NECTIN2: variants seen among roughly 807,000 people sequenced by gnomAD.
The protein encoded by NECTIN2 is nectin-2.
Under a neutral mutation model 56.9 loss-of-function variants are expected in NECTIN2, and 23 were observed. That is an observed-to-expected ratio of 0.40 (90% CI 0.29 to 0.57). The LOEUF is 0.57. Among genes scored for constraint, NECTIN2 ranks in the 20% least tolerant of loss-of-function variants. The probability of loss-of-function intolerance (pLI) is 0.38; values close to 1 mark genes in which losing one functional copy is unlikely to be tolerated. For missense variants in NECTIN2, 587 were observed against 718.3 expected, an observed-to-expected ratio of 0.82 and a Z score of 2.09; for synonymous variants, 302 against 313.8, an observed-to-expected ratio of 0.96 and a Z score of 0.40.
chr19:44,862,466 T>TAA (rs60608124), intron 1 of NECTIN2, among the ~76,000 whole-genome samples: 1 of 97,124 alleles, frequency 1.0e-5, no homozygotes, highest in Non-Finnish European at 2.4e-5. Flanking sequence ...CCTGGAACAA[T>TAA]AAAAAAAAAA....
Position 44,882,204 on chromosome 19 carries a change from C to G in NECTIN2, c.1043-7C>G. 6.9e-7 allele frequency: 1 copy of G among 1,452,254 alleles called. No individual in the cohort carries two copies. Among genetic ancestry groups the G allele is most frequent in the South Asian group, 1.4e-5 (1 of 69,666 alleles). 90.0% of individuals were successfully genotyped at this position (1,452,254 alleles called of 1,614,324 possible). On this transcript the variant is annotated splice_region_variant and splice_polypyrimidine_tract_variant and intron_variant, in intron 5 of 8. Transcript: ENST00000252483. ...GAGACCCCCTCACGCTGTCCCTCTC[C>G]TTGCAGAGACCCCCAACACAGCAGG...
chr19:44,864,768 C>T (rs538345541), intron 1 of NECTIN2, among the ~76,000 whole-genome samples: 15 of 152,028 alleles, frequency 9.9e-5, no homozygotes, highest in Non-Finnish European at 2.1e-4. Context: ...GCGGAGCTTG[C>T]AGTGAGCCGA....
At chr19:44,864,602 C>T (rs528533043) in intron 1 of NECTIN2, among the ~76,000 whole-genome samples, 2 of 152,200 alleles carry the variant, frequency 1.3e-5, no homozygotes, top group African/African-American at 2.4e-5. Context: ...AAGCGGATCA[C>T]GAGGTCAGGA....
intron 1 of NECTIN2, among the ~76,000 whole-genome samples, chr19:44,855,372 C>A (rs1386831829): frequency 6.6e-6 from 1 of 151,920 alleles, no homozygotes; most frequent in Non-Finnish European, 1.5e-5. Flanking sequence ...TTGCAGTGAG[C>A]CGAGATAGTG....
intron 6 of NECTIN2, among the ~76,000 whole-genome samples, chr19:44,882,879 T>C (rs1221360706): frequency 2.0e-5 from 3 of 151,362 alleles, no homozygotes; most frequent in East Asian, 2.0e-4. Context: ...CCTCCCAGGT[T>C]AAAGCAATTC....
chr19:44,856,153 T>G (rs993553420), intron 1 of NECTIN2, among the ~76,000 whole-genome samples: 1 of 152,128 alleles, frequency 6.6e-6, no homozygotes, highest in Non-Finnish European at 1.5e-5. Flanking sequence ...ATACAAAAAT[T>G]AGCTGAGTGT....
intron 3 of NECTIN2, among the ~76,000 whole-genome samples, chr19:44,873,031 A>T (rs190565439): frequency 2.0e-5 from 3 of 151,630 alleles, no homozygotes; most frequent in African/African-American, 7.3e-5. Context: ...ACACCTCGTA[A>T]TGTTACCCAG....
intron 5 of NECTIN2, among the ~76,000 whole-genome samples, chr19:44,879,980 G>A (rs1392987060): frequency 2.6e-5 from 4 of 152,130 alleles, no homozygotes; most frequent in South Asian, 4.1e-4. Flanking sequence ...GGACCGAGGG[G>A]CAGTCTCTCT....
At chr19:44,850,103 C>T (rs566068818) in intron 1 of NECTIN2, among the ~76,000 whole-genome samples, 19 of 152,164 alleles carry the variant, frequency 1.2e-4, no homozygotes, top group Non-Finnish European at 2.2e-4. Flanking sequence ...GGGAGGCTGA[C>T]GCAGGAGAAT....
In NECTIN2 at chr19:44,865,576, G is replaced by A; in HGVS notation, c.394G>A (p.Val132Met). The A allele has an allele frequency of 1.3e-6, 2 of 1,550,332 alleles. No homozygotes were observed. The highest frequency in any genetic ancestry group is 1.7e-4 in the Middle Eastern group (1 of 5,990). ...CACGCTGGCCCTCCACGGGCTCACG[G>A]TGGAGGACGAGGGCAACTACACTTG... Reference protein sequence around the residue: ...DATLALHGLTVEDEGNYTCEF... With the variant: ...DATLALHGLTMEDEGNYTCEF... The change falls in exon 2 of 9, where the codon GTG becomes ATG. Residue 132 changes from valine to methionine, a missense_variant. By Grantham distance (21) the Val-to-Met change is conservative (BLOSUM62 1). Coordinates refer to ENST00000252483, the MANE Select transcript of NECTIN2 (RefSeq NM_001042724.2). This position sits in a 1 kb window ranked among gnomAD's most constrained non-coding sequence, Gnocchi z 5.2.
intron 1 of NECTIN2, among the ~76,000 whole-genome samples, chr19:44,855,373 C>T (rs1184033613): frequency 2.6e-5 from 4 of 151,594 alleles, no homozygotes; most frequent in Non-Finnish European, 4.4e-5. Context: ...TGCAGTGAGC[C>T]GAGATAGTGG....
rs1969203976 is a variant in NECTIN2, at chr19:44,873,774, G to T, written c.776-142G>T. The T allele has an allele frequency of 4.5e-6, 3 of 666,886 alleles. No homozygotes were observed. In the Admixed American group the frequency reaches 6.5e-5, roughly 14 times the overall value. 41.3% of individuals were successfully genotyped at this position (666,886 alleles called of 1,614,324 possible). A position where few individuals can be genotyped will look rare whatever the true frequency, so the allele number is the denominator to read the frequency against. ...ACTGACATCAGCACACAACAGCCTGGACTGATTTGCCCCAGACAGTTTTGA... is the reference window on the plus strand; with the variant it reads ...ACTGACATCAGCACACAACAGCCTGTACTGATTTGCCCCAGACAGTTTTGA... On this transcript the variant is annotated intron_variant, in intron 3 of 8. Transcript: ENST00000252483.
intron 5 of NECTIN2, among the ~76,000 whole-genome samples, chr19:44,880,118 C>T (rs955311753): frequency 1.3e-5 from 2 of 152,302 alleles, no homozygotes; most frequent in Non-Finnish European, 2.9e-5. Flanking sequence ...CCGATGCATG[C>T]GTGACCCCCA....
chr19:44,876,052 T>C (rs3852859), intron 5 of NECTIN2, among the ~76,000 whole-genome samples: 28,235 of 151,992 alleles, frequency 0.19, 2,854 homozygotes, highest in Middle Eastern at 0.35. Context: ...ATCAAAGACA[T>C]CCTGGGAGGA....
intron 1 of NECTIN2, among the ~76,000 whole-genome samples, chr19:44,863,205 C>T (rs2077197625): frequency 6.6e-6 from 1 of 151,912 alleles, no homozygotes; most frequent in Non-Finnish European, 1.5e-5. Flanking sequence ...TGCATTGGTG[C>T]ATGCCTATAA....
intron 7 of NECTIN2, 43 bp downstream of exon 7, chr19:44,886,043 CCCA>C: frequency 6.3e-7 from 1 of 1,575,106 alleles, no homozygotes; most frequent in Non-Finnish European, 8.7e-7. Context: ...CACCTCCACA[CCCA>C]CCCCAGGGCT....
At chr19:44,854,148 C>G (rs906656868) in intron 1 of NECTIN2, among the ~76,000 whole-genome samples, 1 of 152,102 alleles carries the variant, frequency 6.6e-6, no homozygotes, top group Non-Finnish European at 1.5e-5. Flanking sequence ...CTCTGTCACC[C>G]AGGCTGGAGT....
intron 6 of NECTIN2, among the ~76,000 whole-genome samples, chr19:44,884,249 C>G (rs1037642467): frequency 2.6e-5 from 4 of 152,306 alleles, no homozygotes; most frequent in African/African-American, 9.6e-5. Flanking sequence ...GCAACCTTCG[C>G]CTCCTGAGCT....
chr19:44,873,958 AC>A lies in NECTIN2; in HGVS notation c.820del (p.Leu274SerfsTer8). ...ATCTCCGGCTATGATGACAACTGGT[AC>A]CTCGGCCGTACTGATGCCACCCTGA... The part of the protein sequence containing the change: ...VSISGYDDNW[Y>X]LGRTDATLSC... On this transcript the variant is annotated frameshift_variant, in exon 4 of 9. Coordinates refer to ENST00000252483, the MANE Select transcript of NECTIN2 (RefSeq NM_001042724.2). LOFTEE classifies it high-confidence loss of function. The A allele has an allele frequency of 6.2e-7, 1 of 1,614,038 alleles. No homozygotes were observed. Among genetic ancestry groups the A allele is most frequent in the Non-Finnish European group, 8.5e-7 (1 of 1,180,004 alleles).
Sources: allele counts gnomAD v4.1 joint callset (sites outside exome capture counted in the v4.1 genomes callset), GRCh38; gene constraint gnomAD v4.1.1; non-coding constraint Gnocchi (gnomAD v3.1); transcripts MANE v1.5; gene names NCBI Gene and HGNC (gene_info 2026-07-23, HGNC 2026-07-21).